SLC6A5: variants seen among roughly 807,000 people sequenced by gnomAD.
SLC6A5 encodes the protein solute carrier family 6 member 5.
Under a neutral mutation model 90.5 loss-of-function variants are expected in SLC6A5, and 58 were observed. The ratio of observed to expected loss-of-function variants is 0.64; its 90% confidence interval spans 0.52 to 0.80. The LOEUF (loss-of-function observed/expected upper bound fraction) is 0.80, where lower values mean the gene tolerates loss of function less well. Among genes scored for constraint, SLC6A5 ranks in the 30% least tolerant of loss-of-function variants. The probability of loss-of-function intolerance (pLI) is 0.00; values close to 1 mark genes in which losing one functional copy is unlikely to be tolerated. For synonymous variants in SLC6A5, 427 were observed against 401.4 expected, an observed-to-expected ratio of 1.06 and a Z score of -0.76; for missense variants, 1,015 against 1,017.6, an observed-to-expected ratio of 1.00 and a Z score of 0.03.
At chr11:20,608,954 CTCTCTG>C (rs1224280042) in intron 5 of SLC6A5, among the ~76,000 whole-genome samples, 2,021 of 108,754 alleles carry the variant, frequency 0.019, 10 homozygotes, top group Non-Finnish European at 0.025. Context: ...CTCTCTCTCT[CTCTCTG>C]TGTGTGTGTG....
chr11:20,626,482 C>A (rs1852997098), intron 7 of SLC6A5, among the ~76,000 whole-genome samples: 1 of 152,096 alleles, frequency 6.6e-6, no homozygotes, highest in Non-Finnish European at 1.5e-5. Context: ...CCGACTCACC[C>A]CACAGCCTTG....
At chr11:20,647,638 C>A (rs1170853252) in intron 14 of SLC6A5, among the ~76,000 whole-genome samples, 1 of 151,972 alleles carries the variant, frequency 6.6e-6, no homozygotes. Flanking sequence ...CTATGTATAG[C>A]CTCATCTCTC....
intron 7 of SLC6A5, among the ~76,000 whole-genome samples, chr11:20,624,004 C>A (rs1362093288): frequency 1.3e-5 from 2 of 152,072 alleles, no homozygotes; most frequent in Non-Finnish European, 2.9e-5. Flanking sequence ...AGAATGGAAG[C>A]TATTCAGGGC....
At chr11:20,610,451 GGCTGCCT>G (rs1467783483) in intron 5 of SLC6A5, among the ~76,000 whole-genome samples, 4 of 152,222 alleles carry the variant, frequency 2.6e-5, no homozygotes, top group Non-Finnish European at 5.9e-5. Flanking sequence ...TCTCTAGTGA[GGCTGCCT>G]GCGTGCTTCA....
intron 13 of SLC6A5, among the ~76,000 whole-genome samples, chr11:20,645,005 G>T (rs987438984): frequency 1.3e-5 from 2 of 151,640 alleles, no homozygotes; most frequent in Non-Finnish European, 2.9e-5. Flanking sequence ...TAGAGATGGG[G>T]TTTCACTAAG....
At position 20,607,503 on chromosome 11, in the gene SLC6A5, T is replaced by C; in HGVS notation, c.836T>C (p.Ile279Thr). 1.9e-6 allele frequency: 3 copies of C among 1,614,220 alleles called. No individual in the cohort carries two copies. The highest frequency in any genetic ancestry group is 2.5e-6 in the Non-Finnish European group (3 of 1,180,030). ...LQGCGIAMLI[I>T]SVLIAIYYNV... ...GGCTGTGGCATCGCGATGCTGATCA[T>C]CTCTGTCCTAATAGCCATATACTAC... Residue 279 changes from isoleucine (I) to threonine (T), a missense_variant, in exon 5 of 16, where the codon ATC (isoleucine) becomes ACC (threonine). Physicochemically the swap from Ile to Thr is moderately conservative, Grantham distance 89. Coordinates refer to ENST00000525748, the MANE Select transcript of SLC6A5 (RefSeq NM_004211.5).
In SLC6A5 at chr11:20,614,757, C is replaced by T. The variant is rs1489655550; in HGVS notation, c.1064C>T (p.Thr355Ile). 6.2e-7 allele frequency: 1 copy of T among 1,613,694 alleles called. No individual in the cohort carries two copies. The highest frequency in any genetic ancestry group is 8.5e-7 in the Non-Finnish European group (1 of 1,179,590). The change falls in exon 6 of 16, where the codon ACA becomes ATA. Residue 355 changes from threonine to isoleucine, a missense_variant. This residue lies in a region of SLC6A5 where 567 missense variants were observed against 507.3 expected (regional missense o/e 1.12). Transcript: ENST00000525748. Reference sequence around the variant, plus strand: ...TGCATGACCGCTTATCCCAACGTGACAATGGTTAATTTCACCAGCCAGGCC... The same window carrying T: ...TGCATGACCGCTTATCCCAACGTGATAATGGTTAATTTCACCAGCCAGGCC... ...TFCMTAYPNV[T>I]MVNFTSQANK...
Position 20,636,158 on chromosome 11 carries a change from G to A in SLC6A5, c.1625-149G>A, listed in dbSNP as rs570739824. The A allele has an allele frequency of 1.4e-5, 10 of 703,682 alleles. No homozygotes were observed. In the East Asian group the frequency reaches 2.7e-4, roughly 19 times the overall value. The allele number at this position is 703,682 out of a possible 1,614,324, so 43.6% of individuals were successfully genotyped here. On this transcript the variant is annotated intron_variant, in intron 10 of 15. Coordinates refer to ENST00000525748, the MANE Select transcript of SLC6A5 (RefSeq NM_004211.5). ...GAGCCTAAGGTCTAATTGAGGAAAT[G>A]GATAGAGATGAGTAAAAAATAACCA...
Position 20,603,244 on chromosome 11 carries a change from G to A in SLC6A5, c.541-1042G>A, listed in dbSNP as rs550915742. ...CTGAGAAGGTGGAAACTGTGTGTTG[G>A]CCTGAGTGCCTGGAAAGCTTTGTGC... On this transcript the variant is annotated intron_variant, in intron 2 of 15. Coordinates refer to ENST00000525748, the MANE Select transcript of SLC6A5 (RefSeq NM_004211.5). Among the ~76,000 whole-genome samples, 17 of 144,948 alleles carry A rather than the reference G, an allele frequency of 1.2e-4. No individual in the cohort carries two copies. The East Asian group carries it at 1.9e-3, about 16-fold the overall frequency.
chr11:20,630,745 C>T lies in SLC6A5; in HGVS notation c.1554C>T (p.Phe518=), dbSNP rs143680068. ...TNSATSIFAG[F]VIFSVIGFMA... ...GTGCCACAAGCATCTTTGCCGGCTT[C>T]GTCATCTTCTCCGTTATCGGCTTCA... The change falls in exon 10 of 16, where the codon TTC becomes TTT. Residue 518 remains phenylalanine, a synonymous_variant. Transcript: ENST00000525748. 279 of 1,614,220 alleles carry T rather than the reference C, an allele frequency of 1.7e-4. 1 individual carries two copies. The African/African-American group carries it at 2.6e-3, about 15-fold the overall frequency.
intron 8 of SLC6A5, 69 bp downstream of exon 8, chr11:20,626,911 GT>G: frequency 1.5e-6 from 2 of 1,326,020 alleles, no homozygotes; most frequent in Non-Finnish European, 1.1e-6. Flanking sequence ...GGCAAAAAGG[GT>G]TAGACTTCCT....
chr11:20,630,498 T>A (rs1853087416), intron 9 of SLC6A5, among the ~76,000 whole-genome samples, 193 bp from the exon 10 acceptor site: 1 of 152,234 alleles, frequency 6.6e-6, no homozygotes, highest in Non-Finnish European at 1.5e-5. Context: ...TCAGGGCTAT[T>A]AGGGGATATC....
chr11:20,645,391 G>A (rs1420267316), intron 13 of SLC6A5, among the ~76,000 whole-genome samples: 2 of 152,080 alleles, frequency 1.3e-5, no homozygotes, highest in Non-Finnish European at 2.9e-5. Context: ...GGCCAGTGAA[G>A]GCAGGAAGAG....
At chr11:20,608,982 G>A (rs915877403) in intron 5 of SLC6A5, among the ~76,000 whole-genome samples, 11 of 150,888 alleles carry the variant, frequency 7.3e-5, no homozygotes, top group African/African-American at 2.7e-4. Flanking sequence ...GTGTGTGTGT[G>A]TGTGTGTGTT....
intron 7 of SLC6A5, among the ~76,000 whole-genome samples, chr11:20,625,712 A>G (rs1243247712): frequency 6.6e-6 from 1 of 151,872 alleles, no homozygotes; most frequent in East Asian, 1.9e-4. Flanking sequence ...TGCTGTGCTG[A>G]TAGTGAGTGA....
At chr11:20,651,159 T>G (rs1177764583) in intron 14 of SLC6A5, among the ~76,000 whole-genome samples, 3 of 151,982 alleles carry the variant, frequency 2.0e-5, no homozygotes, top group Non-Finnish European at 4.4e-5. Flanking sequence ...TAGATTCAAT[T>G]TTTTAAAAGT....
chr11:20,624,940 A>G (rs895396847), intron 7 of SLC6A5, among the ~76,000 whole-genome samples: 1 of 152,166 alleles, frequency 6.6e-6, no homozygotes, highest in African/African-American at 2.4e-5. Flanking sequence ...CAATAGCCCC[A>G]TGAAGAATCT....
rs1250045669 is a variant in SLC6A5 at position 20,638,547 on chromosome 11, C to G, written c.1958C>G (p.Ser653Cys). 1 of 1,601,202 alleles carries G rather than the reference C, an allele frequency of 6.2e-7. No homozygotes were observed. The highest frequency in any genetic ancestry group is 8.6e-7 in the Non-Finnish European group (1 of 1,168,462). Residue 653 changes from serine (S) to cysteine (C), a missense_variant, in exon 13 of 16, where the codon TCT becomes TGT. This residue lies in a region of SLC6A5 where 442 missense variants were observed against 494.3 expected (regional missense o/e 0.89). Coordinates refer to ENST00000525748, the MANE Select transcript of SLC6A5 (RefSeq NM_004211.5). Reference protein sequence around the residue: ...IIAIFELVGISYVYGLQRFCE... With the variant: ...IIAIFELVGICYVYGLQRFCE... The stretch of plus-strand genomic sequence containing the variant: ...GCCATTTTTGAGCTCGTGGGGATCT[C>G]TTATGTGTATGGTAAGGAAATCACT...
chr11:20,626,184 A>C (rs781665859), intron 7 of SLC6A5, among the ~76,000 whole-genome samples: 2 of 152,374 alleles, frequency 1.3e-5, no homozygotes, highest in Non-Finnish European at 1.5e-5. Context: ...ATAAATGTCT[A>C]AGGTCACACA....
Sources: gnomAD v4.1 joint callset for allele counts (sites outside exome capture counted in the v4.1 genomes callset) on GRCh38, gnomAD v4.1.1 for gene constraint, gnomAD v4.1.1 regional missense constraint, MANE v1.5 for transcripts, NCBI Gene and HGNC (gene_info 2026-07-23, HGNC 2026-07-21) for gene names.